Variants in TRPC3 observed in about 807,000 individuals in gnomAD.
The protein encoded by TRPC3 is transient receptor potential cation channel subfamily C member 3, also known as short transient receptor potential channel 3.
Under a neutral mutation model 90.9 loss-of-function variants are expected in TRPC3, and 54 were observed. The observed-to-expected ratio is 0.59, with a 90% CI of 0.48 to 0.75. TRPC3 has a LOEUF of 0.75. Ranked by LOEUF, TRPC3 falls within the 30% of genes least tolerant of loss-of-function variation. The pLI, the probability that TRPC3 is intolerant of heterozygous loss-of-function variation, is 0.00. For missense variants in TRPC3, 918 were observed against 1,194.5 expected, an observed-to-expected ratio of 0.77 and a Z score of 3.41; for synonymous variants, 424 against 450.9, an observed-to-expected ratio of 0.94 and a Z score of 0.75.
intron 7 of TRPC3, among the ~76,000 whole-genome samples, chr4:121,906,499 T>A (rs1728886631): frequency 6.6e-6 from 1 of 152,106 alleles, no homozygotes; most frequent in Non-Finnish European, 1.5e-5. Context: ...TGTTCTATAT[T>A]AACTATTAAA....
rs770206593 is a variant in TRPC3 at position 121,903,071 on chromosome 4, A to C, written c.2254-10T>G. ...CTACATCACTGTCATCCTGTGTCAC[A>C]AAAATAGAAAAAAAAACTAATTTTA... is the stretch of plus-strand genomic sequence containing the variant. On this transcript the variant is annotated splice_polypyrimidine_tract_variant and intron_variant, in intron 8 of 11. Coordinates refer to ENST00000379645, the MANE Select transcript of TRPC3 (RefSeq NM_001130698.2). 1 of 1,579,112 alleles carries C rather than the reference A, an allele frequency of 6.3e-7. No homozygotes were observed. Among genetic ancestry groups the C allele is most frequent in the South Asian group, 1.2e-5 (1 of 85,334 alleles).
chr4:121,941,923 C>T (rs1730331272), intron 1 of TRPC3, among the ~76,000 whole-genome samples: 1 of 152,142 alleles, frequency 6.6e-6, no homozygotes, highest in Admixed American at 6.6e-5. Flanking sequence ...CCCATCACTT[C>T]AACTGTCTAG....
chr4:121,904,745 T>C (rs935001197), intron 7 of TRPC3, among the ~76,000 whole-genome samples: 1 of 152,152 alleles, frequency 6.6e-6, no homozygotes, highest in Admixed American at 6.6e-5. Flanking sequence ...TCTGAAGTTA[T>C]CATCAAGTGA....
chr4:121,903,266 T>C (rs1455311019), intron 8 of TRPC3, among the ~76,000 whole-genome samples: 1 of 152,112 alleles, frequency 6.6e-6, no homozygotes, highest in African/African-American at 2.4e-5. Context: ...TGCCTCTACC[T>C]GTACCCACTG....
At chr4:121,902,267 T>C (rs1417101075) in intron 9 of TRPC3, among the ~76,000 whole-genome samples, 2 of 152,202 alleles carry the variant, frequency 1.3e-5, no homozygotes, top group Admixed American at 1.3e-4. Flanking sequence ...TAGTTCATGA[T>C]AACAAAGTAT....
intron 5 of TRPC3, among the ~76,000 whole-genome samples, chr4:121,911,200 A>C (rs1434192669): frequency 1.3e-5 from 2 of 152,236 alleles, no homozygotes; most frequent in African/African-American, 2.4e-5. Context: ...GAAAATGAGA[A>C]GACACCAAGA....
chr4:121,932,774 C>T lies in TRPC3; in HGVS notation c.484G>A (p.Val162Met). Residue 162 changes from valine to methionine, a missense_variant, in exon 2 of 12, where the codon GTG becomes ATG. Val to Met is a conservative substitution (Grantham distance 21). This residue lies in a region of TRPC3 where 609 missense variants were observed against 725.9 expected (regional missense o/e 0.84). Coordinates refer to ENST00000379645, the MANE Select transcript of TRPC3 (RefSeq NM_001130698.2). The surrounding 1 kb of genome is among the most constrained non-coding windows in gnomAD (Gnocchi z 7.7). ...TCCTTCTTGAGCAGCAGCTCGGTCACCTCCAGGTGCTCGTTGCCCACAGCC... is the reference window on the plus strand; with the variant it reads ...TCCTTCTTGAGCAGCAGCTCGGTCATCTCCAGGTGCTCGTTGCCCACAGCC... ...QLAVGNEHLE[V>M]TELLLKKENL... 1 of 1,612,734 alleles carries T rather than the reference C, an allele frequency of 6.2e-7. No individual in the cohort carries two copies. Among genetic ancestry groups the T allele is most frequent in the Non-Finnish European group, 8.5e-7 (1 of 1,179,016 alleles).
intron 2 of TRPC3, among the ~76,000 whole-genome samples, chr4:121,926,792 T>C (rs1729732920): frequency 6.6e-6 from 1 of 152,204 alleles, no homozygotes; most frequent in African/African-American, 2.4e-5. Flanking sequence ...CTTGCCTTAC[T>C]GGAGACATTG....
intron 2 of TRPC3, among the ~76,000 whole-genome samples, chr4:121,927,079 C>T (rs927357203): frequency 1.3e-5 from 2 of 152,026 alleles, no homozygotes; most frequent in Non-Finnish European, 2.9e-5. Context: ...ATTACTGTGC[C>T]CTGCAGAACT....
intron 10 of TRPC3, among the ~76,000 whole-genome samples, chr4:121,885,386 G>A (rs1208435336): frequency 6.6e-6 from 1 of 152,110 alleles, no homozygotes; most frequent in African/African-American, 2.4e-5. Context: ...TACCACTTTA[G>A]CTGCTGTCTG....
rs1296716077 is a variant in TRPC3, at chr4:121,875,357, A to G, written c.*4379T>C. Among the ~76,000 whole-genome samples the G allele has an allele frequency of 6.6e-6, 1 of 152,230 alleles. No individual in the cohort carries two copies. Among genetic ancestry groups the G allele is most frequent in the Non-Finnish European group, 1.5e-5 (1 of 68,038 alleles). ...CTTTGATTTTGCATCTAAAAATGCAATTTATTATTTTTAAAGTACATACTA... is the reference window on the plus strand; with the variant it reads ...CTTTGATTTTGCATCTAAAAATGCAGTTTATTATTTTTAAAGTACATACTA... On this transcript the variant is annotated 3_prime_UTR_variant, in exon 12 of 12. Transcript: ENST00000379645.
rs1727828969 is a variant in TRPC3, at chr4:121,878,391, T to G, written c.*1345A>C. On this transcript the variant is annotated 3_prime_UTR_variant, in exon 12 of 12. Transcript: ENST00000379645. ...GTATTTAGTTGGTTTTAAGGACCTC[T>G]GAAAATCTTTGATCTATGATCACAA... 6.6e-6 allele frequency among the ~76,000 whole-genome samples: 1 copy of G among 152,234 alleles called. No homozygotes were observed. The highest frequency in any genetic ancestry group is 2.1e-4 in the South Asian group (1 of 4,832).
chr4:121,887,129 A>G (rs1220489595), intron 10 of TRPC3, among the ~76,000 whole-genome samples: 1 of 152,186 alleles, frequency 6.6e-6, no homozygotes, highest in Admixed American at 6.5e-5. Context: ...GGGGACTGTG[A>G]CTGAAAGTCC....
intron 1 of TRPC3, among the ~76,000 whole-genome samples, chr4:121,941,225 C>T (rs1255307728): frequency 6.6e-6 from 1 of 152,156 alleles, no homozygotes; most frequent in Non-Finnish European, 1.5e-5. Context: ...AATACATGAG[C>T]ATTATTACGG....
chr4:121,913,445 T>C lies in TRPC3; in HGVS notation c.1341+1335A>G, dbSNP rs1438419325. ...GGCTCTGGGAATGGCTCAACTTCCATGTTTCCCTTCTCTGCAGAGCATGCC... is the reference window on the plus strand; with the variant it reads ...GGCTCTGGGAATGGCTCAACTTCCACGTTTCCCTTCTCTGCAGAGCATGCC... On this transcript the variant is annotated intron_variant, in intron 4 of 11. Coordinates refer to ENST00000379645, the MANE Select transcript of TRPC3 (RefSeq NM_001130698.2). Among the ~76,000 whole-genome samples the C allele has an allele frequency of 3.3e-5, 5 of 152,306 alleles. No homozygotes were observed. In the South Asian group the frequency reaches 6.2e-4, roughly 19 times the overall value.
chr4:121,879,973 T>C lies in TRPC3; in HGVS notation c.2624-95A>G, dbSNP rs1312040420. On this transcript the variant is annotated intron_variant, in intron 11 of 11. Transcript: ENST00000379645. ...TTCTTACAATATCAATGTATTTGCT[T>C]CATAAGGTCTCCAAGGTAGCTACTT... The C allele has an allele frequency of 2.0e-5, 24 of 1,219,934 alleles. No individual in the cohort carries two copies. The African/African-American group carries it at 3.2e-4, about 16-fold the overall frequency. The allele number at this position is 1,219,934 out of a possible 1,614,324, so 75.6% of individuals were successfully genotyped here.
At chr4:121,924,984 T>C (rs1400717407) in intron 3 of TRPC3, 34 bp downstream of exon 3, 1 of 1,579,356 alleles carries the variant, frequency 6.3e-7, no homozygotes, top group Admixed American at 1.8e-5. Context: ...ATGTTTATTC[T>C]AATATGGCAC....
rs952448018 is a variant in TRPC3 at position 121,877,992 on chromosome 4, C to T, written c.*1744G>A. ...TAGCTATAAGCAAAAACTTTTCACA[C>T]TTGGAATCCTGGACCATACTATAAA... On this transcript the variant is annotated 3_prime_UTR_variant, in exon 12 of 12. Transcript: ENST00000379645. 6.6e-6 allele frequency among the ~76,000 whole-genome samples: 1 copy of T among 152,176 alleles called. No individual in the cohort carries two copies. The highest frequency in any genetic ancestry group is 2.4e-5 in the African/African-American group (1 of 41,442).
At chr4:121,939,858 G>C (rs181159174) in intron 1 of TRPC3, among the ~76,000 whole-genome samples, 1 of 152,300 alleles carries the variant, frequency 6.6e-6, no homozygotes, top group East Asian at 1.9e-4. Context: ...ACAGTGCCCA[G>C]AGACCAGAAG....
Sources: gnomAD v4.1 joint callset for allele counts (sites outside exome capture counted in the v4.1 genomes callset) on GRCh38, gnomAD v4.1.1 for gene constraint, gnomAD v4.1.1 regional missense constraint, Gnocchi (gnomAD v3.1) non-coding constraint, MANE v1.5 for transcripts, NCBI Gene and HGNC (gene_info 2026-07-23, HGNC 2026-07-21) for gene names.